CDH20: variants seen among roughly 807,000 people sequenced by gnomAD.
The protein encoded by CDH20 is cadherin-20.
A neutral mutation model predicts 74.2 loss-of-function variants in CDH20; 29 were observed. The ratio of observed to expected loss-of-function variants is 0.39; its 90% CI spans 0.29 to 0.53. The LOEUF is 0.53. CDH20 is among the 20% of genes least tolerant of loss of function. The pLI is 0.69. For synonymous variants in CDH20, 469 were observed against 405.4 expected (o/e 1.16, Z -1.88); for missense variants, 988 against 1,048.3 (o/e 0.94, Z 0.79).
chr18:61,526,574 A>C (rs1238070525), intron 6 of CDH20, among the ~76,000 whole-genome samples: 1 of 152,170 alleles, frequency 6.6e-6, no homozygotes, highest in Non-Finnish European at 1.5e-5. Context: ...ACATTCCGAG[A>C]TGTTCTGAAA....
chr18:61,507,217 C>G (rs972518003), intron 5 of CDH20, among the ~76,000 whole-genome samples, 156 bp from the exon 6 acceptor site: 2 of 152,196 alleles, frequency 1.3e-5, no homozygotes, highest in Non-Finnish European at 2.9e-5. Flanking sequence ...TTTGCTCAGC[C>G]TTTCTGGACC....
intron 1 of CDH20, among the ~76,000 whole-genome samples, chr18:61,448,934 G>A (rs1209915898): frequency 1.3e-5 from 2 of 152,148 alleles, no homozygotes; most frequent in Non-Finnish European, 2.9e-5. Context: ...TCTTGACTGA[G>A]AAATGAAAGC....
chr18:61,509,209 C>T (rs1201772516), intron 6 of CDH20, among the ~76,000 whole-genome samples: 1 of 152,046 alleles, frequency 6.6e-6, no homozygotes, highest in Non-Finnish European at 1.5e-5. Flanking sequence ...TCCCTGTACC[C>T]CAATAACTTA....
intron 5 of CDH20, among the ~76,000 whole-genome samples, chr18:61,506,058 A>G (rs1316313987): frequency 3.3e-5 from 5 of 152,234 alleles, no homozygotes; most frequent in Admixed American, 3.3e-4. Flanking sequence ...ACTATTTTAC[A>G]TTGAATAAGC....
chr18:61,356,060 A>G (rs912169073), intron 1 of CDH20, among the ~76,000 whole-genome samples: 2 of 150,234 alleles, frequency 1.3e-5, no homozygotes, highest in African/African-American at 4.9e-5. Flanking sequence ...AAGAGTAAAG[A>G]GTGATTCCAC....
Position 61,554,267 on chromosome 18 carries a change from G to A in CDH20, c.1978G>A (p.Glu660Lys), listed in dbSNP as rs1449247129. The change falls in exon 12 of 12, where the codon GAG (glutamate) becomes AAG (lysine). Residue 660 changes from glutamate (E) to lysine (K), a missense_variant. Physicochemically the swap from Glu to Lys is moderately conservative, Grantham distance 56. Coordinates refer to ENST00000262717, the MANE Select transcript of CDH20 (RefSeq NM_031891.4). ...CATCGACGACGAGGAAAACATCCAC[G>A]AGAACATCGTCCGCTACGACGACGA... ...YIIDDEENIH[E>K]NIVRYDDEGG... 5 of 1,614,044 alleles carry A rather than the reference G, an allele frequency of 3.1e-6. No individual in the cohort carries two copies. Among genetic ancestry groups the A allele is most frequent in the Non-Finnish European group, 4.2e-6 (5 of 1,180,012 alleles).
rs779882244 is a variant in CDH20 at position 61,533,123 on chromosome 18, C to T, written c.1272-3370C>T. 9.6e-4 allele frequency among the ~76,000 whole-genome samples: 146 copies of T among 152,174 alleles called. 1 individual carries two copies. Among genetic ancestry groups the T allele is most frequent in the Admixed American group, 4.5e-3 (69 of 15,288 alleles). On this transcript the variant is annotated intron_variant, in intron 7 of 11. Coordinates refer to ENST00000262717, the MANE Select transcript of CDH20 (RefSeq NM_031891.4). ...TGGGCAACACAGGCTGTTTAAAAGACTTTGTCTTTTAAAATAAAAAATAAA... is the reference window on the plus strand; with the variant it reads ...TGGGCAACACAGGCTGTTTAAAAGATTTTGTCTTTTAAAATAAAAAATAAA...
intron 5 of CDH20, 61 bp from the exon 6 acceptor site, chr18:61,507,312 G>C (rs377743295): frequency 2.7e-6 from 4 of 1,488,824 alleles, no homozygotes; most frequent in South Asian, 2.4e-5. Context: ...ATATGATAAT[G>C]ATGAGGCATT....
intron 1 of CDH20, among the ~76,000 whole-genome samples, chr18:61,420,880 C>G (rs1912852643): frequency 6.6e-6 from 1 of 152,076 alleles, no homozygotes; most frequent in South Asian, 2.1e-4. Context: ...ATGGCAAAAC[C>G]CTGTCTCTAC....
chr18:61,528,454 C>T (rs2849857), intron 7 of CDH20, among the ~76,000 whole-genome samples: 670 of 6,658 alleles, frequency 0.1, 4 homozygotes, highest in African/African-American at 0.17. Flanking sequence ...GAGACACACA[C>T]ACACACACAC....
At position 61,451,670 on chromosome 18, in the gene CDH20, T is replaced by A. The variant is rs530187509; in HGVS notation, c.-152-38732T>A. Among the ~76,000 whole-genome samples the A allele has an allele frequency of 5.9e-5, 9 of 152,176 alleles. No individual in the cohort carries two copies. In the South Asian group the frequency reaches 1.9e-3, roughly 32 times the overall value. ...ATATCAGATTTAATGGCAATAAATT[T>A]ATTGGGAAAAGAGTTAGCAGACTGG... On this transcript the variant is annotated intron_variant, in intron 1 of 11. Coordinates refer to ENST00000262717, the MANE Select transcript of CDH20 (RefSeq NM_031891.4).
intron 1 of CDH20, among the ~76,000 whole-genome samples, chr18:61,357,552 T>C (rs965337612): frequency 4.6e-5 from 7 of 152,206 alleles, no homozygotes; most frequent in African/African-American, 1.7e-4. Context: ...ATGGCTGCGT[T>C]GTCTCCAGGA....
In CDH20 at chr18:61,554,854, G is replaced by A. The variant is rs983530134; in HGVS notation, c.*159G>A. 5.7e-6 allele frequency: 8 copies of A among 1,407,834 alleles called. No homozygotes were observed. The highest frequency in any genetic ancestry group is 6.5e-6 in the Non-Finnish European group (7 of 1,084,076). The allele number at this position is 1,407,834 out of a possible 1,614,324, so 87.2% of individuals were successfully genotyped here. The stretch of plus-strand genomic sequence containing the variant: ...TCTCTGGATCAGCTTTACTTGGGTA[G>A]ATTAAGTTAAATAAGCAAAAGGAAA... On this transcript the variant is annotated 3_prime_UTR_variant, in exon 12 of 12. Transcript: ENST00000262717.
At chr18:61,423,185 A>C (rs572457732) in intron 1 of CDH20, among the ~76,000 whole-genome samples, 1 of 152,226 alleles carries the variant, frequency 6.6e-6, no homozygotes, top group Non-Finnish European at 1.5e-5. Flanking sequence ...TGTGGTCAGT[A>C]GCGTCAGATC....
chr18:61,467,046 G>A (rs1037263961), intron 1 of CDH20, among the ~76,000 whole-genome samples: 4 of 152,116 alleles, frequency 2.6e-5, no homozygotes, highest in African/African-American at 7.2e-5. Flanking sequence ...TACAAACAAG[G>A]CTGCAGGGGC....
chr18:61,504,054 G>A (rs952240163), intron 5 of CDH20, among the ~76,000 whole-genome samples: 1 of 151,992 alleles, frequency 6.6e-6, no homozygotes, highest in Non-Finnish European at 1.5e-5. Context: ...CTGCTGCCTG[G>A]AAATAAGTTT....
chr18:61,527,398 G>GATAGATAGAT, intron 6 of CDH20, among the ~76,000 whole-genome samples: 1 of 147,650 alleles, frequency 6.8e-6, no homozygotes, highest in African/African-American at 2.5e-5. Context: ...TAGATAGATA[G>GATAGATAGAT]ATAGATAGAT....
At chr18:61,339,360 TACACACACACACAC>T (rs35630137) in intron 1 of CDH20, among the ~76,000 whole-genome samples, 12 of 145,938 alleles carry the variant, frequency 8.2e-5, no homozygotes, top group Non-Finnish European at 1.5e-4. Context: ...GCAAGTTTAT[TACACACACACACAC>T]ACACACACAC....
intron 1 of CDH20, among the ~76,000 whole-genome samples, chr18:61,339,701 T>TTCTTTC (rs1555669183): frequency 3.3e-5 from 4 of 122,944 alleles, no homozygotes; most frequent in African/African-American, 5.9e-5. Flanking sequence ...TTTTTTTTTT[T>TTCTTTC]TTTTGAGATG....
Sources: gnomAD v4.1 joint callset for allele counts (sites outside exome capture counted in the v4.1 genomes callset) on GRCh38, gnomAD v4.1.1 for gene constraint, MANE v1.5 for transcripts, NCBI Gene and HGNC (gene_info 2026-07-23, HGNC 2026-07-21) for gene names.